The following AGMO variants were observed in gnomAD, a reference collection of about 807,000 sequenced individuals.
The protein encoded by AGMO is alkylglycerol monooxygenase.
A neutral mutation model predicts 60.2 loss-of-function variants in AGMO; 75 were observed. The ratio of observed to expected loss-of-function variants is 1.25; its 90% CI spans 1.03 to 1.51. The LOEUF (loss-of-function observed/expected upper bound fraction) is 1.51. AGMO is among the 40% of genes most tolerant of loss of function. The probability of loss-of-function intolerance (pLI) is 0.00; values close to 1 mark genes in which losing one functional copy is unlikely to be tolerated. For missense variants in AGMO, 763 were observed against 525.5 expected (o/e 1.45, Z -4.42); for synonymous variants, 261 against 177.1 (o/e 1.47, Z -3.76).
the AGMO span, among the ~76,000 whole-genome samples, chr7:15,127,808 A>T: frequency 6.6e-6 from 1 of 152,050 alleles, no homozygotes; most frequent in African/African-American, 2.4e-5. Context: ...TGTGGTTGTA[A>T]ATTTAACTTC....
intron 3 of AGMO, among the ~76,000 whole-genome samples, chr7:15,486,151 G>A (rs1464473137): frequency 6.6e-6 from 1 of 152,042 alleles, no homozygotes; most frequent in Non-Finnish European, 1.5e-5. Flanking sequence ...CTGTACAGAG[G>A]TGTTGCTATT....
the AGMO span, among the ~76,000 whole-genome samples, chr7:15,173,877 T>A: frequency 7.9e-4 from 120 of 151,808 alleles, no homozygotes; most frequent in Admixed American, 1.6e-3. Context: ...TTTTAGGAAA[T>A]ATCTTTCAGG....
chr7:15,216,850 G>GTGTGTA (rs1554396221), intron 12 of AGMO, among the ~76,000 whole-genome samples: 1 of 151,808 alleles, frequency 6.6e-6, no homozygotes, highest in Non-Finnish European at 1.5e-5. Flanking sequence ...GTGTGTGTGT[G>GTGTGTA]TGTGTGTGTG....
At chr7:15,269,039 C>G (rs1295186311) in intron 12 of AGMO, among the ~76,000 whole-genome samples, 1 of 151,998 alleles carries the variant, frequency 6.6e-6, no homozygotes, top group Non-Finnish European at 1.5e-5. Flanking sequence ...TATAAAGGAA[C>G]AGATAATAAA....
chr7:15,202,458 C>CAAAAAAAAA (rs71004370), intron 12 of AGMO, among the ~76,000 whole-genome samples: 775 of 45,336 alleles, frequency 0.017, 88 homozygotes, highest in Middle Eastern at 0.048. Context: ...TACAAATGAG[C>CAAAAAAAAA]AAAAAAAAAA....
the AGMO span, among the ~76,000 whole-genome samples, chr7:15,131,133 C>A: frequency 6.6e-6 from 1 of 151,992 alleles, no homozygotes; most frequent in Non-Finnish European, 1.5e-5. Context: ...AGGAGGCGTT[C>A]TTTTCATAGC....
intron 4 of AGMO, among the ~76,000 whole-genome samples, chr7:15,419,042 GTAT>G (rs1381145035): frequency 6.6e-6 from 1 of 151,710 alleles, no homozygotes; most frequent in Non-Finnish European, 1.5e-5. Flanking sequence ...CCCAAATTCT[GTAT>G]TATTACCTGG....
At chr7:15,252,632 C>G (rs371891301) in intron 12 of AGMO, among the ~76,000 whole-genome samples, 2 of 152,178 alleles carry the variant, frequency 1.3e-5, no homozygotes, top group Admixed American at 6.5e-5. Context: ...GCCTCAGATA[C>G]GACCACAGCT....
chr7:15,398,715 A>G (rs549687523), intron 5 of AGMO, among the ~76,000 whole-genome samples: 6 of 152,194 alleles, frequency 3.9e-5, no homozygotes, highest in African/African-American at 1.4e-4. Flanking sequence ...GTTTGTATTA[A>G]TTTTTTAGAC....
At chr7:15,354,367 T>TACAC (rs1563105038) in intron 12 of AGMO, among the ~76,000 whole-genome samples, 6 of 64,150 alleles carry the variant, frequency 9.4e-5, no homozygotes, top group African/African-American at 3.3e-4. Flanking sequence ...CGTGTGTATA[T>TACAC]AGACGTGTGT....
At chr7:15,138,279 G>A in the AGMO span, among the ~76,000 whole-genome samples, 5,406 of 152,178 alleles carry the variant, frequency 0.036, 108 homozygotes, top group African/African-American at 0.05. Flanking sequence ...GAAAAACTTC[G>A]TGCAATTGAA....
intron 3 of AGMO, among the ~76,000 whole-genome samples, chr7:15,542,502 T>C (rs1161715710): frequency 1.3e-5 from 2 of 152,190 alleles, no homozygotes; most frequent in African/African-American, 2.4e-5. Flanking sequence ...TGTTTCCTGT[T>C]ATAATGGGCT....
At chr7:15,440,884 T>G (rs1054631551) in intron 3 of AGMO, among the ~76,000 whole-genome samples, 6 of 152,204 alleles carry the variant, frequency 3.9e-5, no homozygotes, top group Non-Finnish European at 4.4e-5. Context: ...CAAGTTATAC[T>G]CCTCTTTCTC....
chr7:15,256,914 C>T (rs559594677), intron 12 of AGMO, among the ~76,000 whole-genome samples: 2 of 152,274 alleles, frequency 1.3e-5, no homozygotes, highest in African/African-American at 2.4e-5. Flanking sequence ...GAAATTCCTA[C>T]AGAGATACCA....
At chr7:15,377,054 A>G (rs111230163) in intron 10 of AGMO, among the ~76,000 whole-genome samples, 15,401 of 152,064 alleles carry the variant, frequency 0.1, 907 homozygotes, top group South Asian at 0.15. Context: ...AGGGTCCCCA[A>G]TTACAAGTCA....
At chr7:15,550,866 A>C (rs1048607159) in intron 2 of AGMO, among the ~76,000 whole-genome samples, 1 of 141,212 alleles carries the variant, frequency 7.1e-6, no homozygotes, top group Non-Finnish European at 1.5e-5. Context: ...CACAACCAAA[A>C]AAGAGAATTT....
chr7:15,191,036 C>T, the AGMO span, among the ~76,000 whole-genome samples: 1 of 152,036 alleles, frequency 6.6e-6, no homozygotes, highest in Non-Finnish European at 1.5e-5. Context: ...TCAAGAAACT[C>T]AATTAATGGA....
At chr7:15,139,053 T>C in the AGMO span, among the ~76,000 whole-genome samples, 2 of 152,204 alleles carry the variant, frequency 1.3e-5, no homozygotes, top group African/African-American at 4.8e-5. Context: ...TGTCTTCCTA[T>C]CTGCTCTTCT....
At chr7:15,388,318 C>A (rs1334078205) in intron 8 of AGMO, among the ~76,000 whole-genome samples, 2 of 151,934 alleles carry the variant, frequency 1.3e-5, no homozygotes, top group South Asian at 2.1e-4. Context: ...CATCGCCAAG[C>A]TCTAATTGGA....
Sources: allele counts gnomAD v4.1 joint callset (sites outside exome capture counted in the v4.1 genomes callset), GRCh38; gene constraint gnomAD v4.1.1; transcripts MANE v1.5; gene names NCBI Gene and HGNC (gene_info 2026-07-23, HGNC 2026-07-21).